TSHZ2: variants seen among roughly 807,000 people sequenced by gnomAD.
The protein encoded by TSHZ2 is teashirt zinc finger homeobox 2.
In TSHZ2, 21 loss-of-function variants were observed where a neutral mutation model predicts 74.4. That is an observed-to-expected ratio of 0.28 (90% confidence interval 0.20 to 0.41). The LOEUF is 0.41. TSHZ2 is among the 10% of genes least tolerant of loss of function. The pLI, the probability that TSHZ2 is intolerant of heterozygous loss-of-function variation, is 1.00. For synonymous variants in TSHZ2, 540 were observed against 515.3 expected (o/e 1.05, Z -0.65); for missense variants, 1,244 against 1,293.5 (o/e 0.96, Z 0.59).
At chr20:53,443,685 T>G (rs2145763201) in intron 2 of TSHZ2, among the ~76,000 whole-genome samples, 1 of 152,350 alleles carries the variant, frequency 6.6e-6, no homozygotes, top group South Asian at 2.1e-4. Flanking sequence ...GGGAAGGGGC[T>G]TGGCAGTCAC....
chr20:53,326,023 C>T (rs1600811690), intron 2 of TSHZ2, among the ~76,000 whole-genome samples: 1 of 152,100 alleles, frequency 6.6e-6, no homozygotes, highest in African/African-American at 2.4e-5. Context: ...CCTCGTGATT[C>T]CCCCCTCCTC....
At chr20:53,203,047 AT>A (rs1048259565) in intron 1 of TSHZ2, among the ~76,000 whole-genome samples, 2 of 152,182 alleles carry the variant, frequency 1.3e-5, no homozygotes, top group African/African-American at 4.8e-5. Flanking sequence ...GATATGAATC[AT>A]TGTCAGATTC....
intron 2 of TSHZ2, among the ~76,000 whole-genome samples, chr20:53,320,869 C>T (rs1345929689): frequency 6.6e-6 from 1 of 152,200 alleles, no homozygotes; most frequent in African/African-American, 2.4e-5. Context: ...GACCTTGTGC[C>T]TCCTCTGAGT....
At position 53,361,920 on chromosome 20, in the gene TSHZ2, G is replaced by GTGT. The variant is rs1428841631; in HGVS notation, c.*8+105351_*8+105353dup. Among the ~76,000 whole-genome samples, 158 of 30,198 alleles carry GTGT rather than the reference G, an allele frequency of 5.2e-3. 1 individual carries two copies. Among genetic ancestry groups the GTGT allele is most frequent in the African/African-American group, 0.038 (144 of 3,778 alleles). 19.8% of individuals were successfully genotyped at this position (30,198 alleles called of 152,430 possible). On this transcript the variant is annotated intron_variant, in intron 2 of 2. Coordinates refer to ENST00000371497, the MANE Select transcript of TSHZ2 (RefSeq NM_173485.6). ...TTGTTTGTGTTGTTGTTGTTGTTTTGTGTTTTTTTTTTTTCTGGAGACAGA... is the reference window on the plus strand; with the variant it reads ...TTGTTTGTGTTGTTGTTGTTGTTTTGTGTTGTTTTTTTTTTTTCTGGAGACAGA...
chr20:53,115,961 T>C (rs6022287), intron 1 of TSHZ2, among the ~76,000 whole-genome samples: 131 of 152,258 alleles, frequency 8.6e-4, no homozygotes, highest in African/African-American at 3.1e-3. Flanking sequence ...AATCCAGCAG[T>C]GGGGAAACCA....
chr20:53,195,588 TA>T (rs1271658671), intron 1 of TSHZ2, among the ~76,000 whole-genome samples: 1 of 152,154 alleles, frequency 6.6e-6, no homozygotes, highest in Non-Finnish European at 1.5e-5. Context: ...AATTAGCACT[TA>T]TTTAGTCTTC....
In TSHZ2 at chr20:53,489,767, A is replaced by C. The variant is rs912767698; in HGVS notation, c.*2632A>C. On this transcript the variant is annotated 3_prime_UTR_variant, in exon 3 of 3. Transcript: ENST00000371497. Reference sequence around the variant, plus strand: ...TGTCACTGCCGAGGGATGGCTGCTAAGGTTCACCTTAGAAAACAAGATCTG... The same window carrying C: ...TGTCACTGCCGAGGGATGGCTGCTACGGTTCACCTTAGAAAACAAGATCTG... The C allele has an allele frequency of 2.6e-5, 4 of 154,228 alleles. No homozygotes were observed. The highest frequency in any genetic ancestry group is 9.6e-5 in the African/African-American group (4 of 41,454). The allele number at this position is 154,228 out of a possible 1,614,324, so 9.6% of individuals were successfully genotyped here. A position where few individuals can be genotyped will look rare whatever the true frequency, so the allele number is the denominator to read the frequency against.
intron 2 of TSHZ2, among the ~76,000 whole-genome samples, chr20:53,442,501 A>G (rs1457902825): frequency 1.3e-5 from 2 of 152,178 alleles, no homozygotes; most frequent in Non-Finnish European, 2.9e-5. Context: ...CACGGATTCT[A>G]TTAGGGAAAT....
chr20:53,004,950 G>A (rs1982583275), intron 1 of TSHZ2, among the ~76,000 whole-genome samples: 1 of 152,138 alleles, frequency 6.6e-6, no homozygotes, highest in African/African-American at 2.4e-5. Context: ...CAGCCAGTAA[G>A]TGATATAATA....
chr20:53,147,054 C>T (rs563362574), intron 1 of TSHZ2, among the ~76,000 whole-genome samples: 1 of 152,224 alleles, frequency 6.6e-6, no homozygotes, highest in Admixed American at 6.5e-5. Context: ...ATGTCTTCTT[C>T]TTCCATTTTG....
chr20:53,195,413 G>A (rs1988839248), intron 1 of TSHZ2, among the ~76,000 whole-genome samples: 1 of 152,130 alleles, frequency 6.6e-6, no homozygotes, highest in South Asian at 2.1e-4. Context: ...CTATATTGGT[G>A]AAAGATATAC....
At chr20:53,320,616 GCC>G (rs1377566541) in intron 2 of TSHZ2, among the ~76,000 whole-genome samples, 18 of 152,210 alleles carry the variant, frequency 1.2e-4, no homozygotes, top group Admixed American at 1.2e-3. Flanking sequence ...AGAGCCCACG[GCC>G]AGCTCTTTCT....
intron 1 of TSHZ2, among the ~76,000 whole-genome samples, chr20:53,140,072 G>A (rs1011952604): frequency 6.6e-6 from 1 of 151,948 alleles, no homozygotes; most frequent in Non-Finnish European, 1.5e-5. Context: ...ACTGTTCTAG[G>A]CTCTCAGTGC....
intron 2 of TSHZ2, among the ~76,000 whole-genome samples, chr20:53,350,287 A>G (rs1032404080): frequency 4.6e-5 from 7 of 152,238 alleles, no homozygotes; most frequent in African/African-American, 1.7e-4. Context: ...TCAGTGGAGG[A>G]TATCAATTCC....
chr20:53,075,108 A>G lies in TSHZ2; in HGVS notation c.40+101775A>G, dbSNP rs1158210952. Among the ~76,000 whole-genome samples the G allele has an allele frequency of 2.0e-5, 3 of 152,398 alleles. No individual in the cohort carries two copies. The East Asian group carries it at 5.8e-4, about 29-fold the overall frequency. On this transcript the variant is annotated intron_variant, in intron 1 of 2. Coordinates refer to ENST00000371497, the MANE Select transcript of TSHZ2 (RefSeq NM_173485.6). The stretch of plus-strand genomic sequence containing the variant: ...AACATCCCTGTCAATCCTGGCTGTC[A>G]TCACCAAAAGATTTCTATCCCAACG...
At chr20:53,210,815 G>T (rs149669165) in intron 1 of TSHZ2, among the ~76,000 whole-genome samples, 97 of 152,194 alleles carry the variant, frequency 6.4e-4, no homozygotes, top group African/African-American at 2.2e-3. Flanking sequence ...CAATTAAAAA[G>T]TGTGTGCATA....
chr20:53,121,945 A>G (rs1286061677), intron 1 of TSHZ2, among the ~76,000 whole-genome samples: 1 of 152,176 alleles, frequency 6.6e-6, no homozygotes, highest in Non-Finnish European at 1.5e-5. Context: ...CATTAGCTGC[A>G]AATATTCCAC....
Position 53,254,813 on chromosome 20 carries a change from A to G in TSHZ2, c.1355A>G (p.Asp452Gly). 10 of 1,613,922 alleles carry G rather than the reference A, an allele frequency of 6.2e-6. No individual in the cohort carries two copies. The highest frequency in any genetic ancestry group is 7.6e-6 in the Non-Finnish European group (9 of 1,179,952). ...APKPSSNSAS[D>G]CTASTTELKK... ...AAGCCATCCAGTAACTCAGCATCAG[A>G]TTGTACAGCCTCTACAACTGAGTTA... Residue 452 changes from aspartate (D) to glycine (G), a missense_variant, in exon 2 of 3, where the codon GAT becomes GGT. By Grantham distance (94) the Asp-to-Gly change is moderately conservative (BLOSUM62 -1). This residue lies in a region of TSHZ2 where 562 missense variants were observed against 544.0 expected (regional missense o/e 1.03). Coordinates refer to ENST00000371497, the MANE Select transcript of TSHZ2 (RefSeq NM_173485.6).
chr20:53,124,742 A>G (rs1432096252), intron 1 of TSHZ2, among the ~76,000 whole-genome samples: 2 of 152,228 alleles, frequency 1.3e-5, no homozygotes, highest in Non-Finnish European at 2.9e-5. Context: ...ATGATGCTAC[A>G]TGCCCATTTT....
Sources: gnomAD v4.1 joint callset for allele counts (sites outside exome capture counted in the v4.1 genomes callset) on GRCh38, gnomAD v4.1.1 for gene constraint, gnomAD v4.1.1 regional missense constraint, MANE v1.5 for transcripts, NCBI Gene and HGNC (gene_info 2026-07-23, HGNC 2026-07-21) for gene names.